Variants in ZDHHC2 observed in about 807,000 individuals in gnomAD.
ZDHHC2 encodes palmitoyltransferase ZDHHC2.
Under a neutral mutation model 55.6 loss-of-function variants are expected in ZDHHC2, and 51 were observed. That is an observed-to-expected ratio of 0.92 (90% confidence interval 0.73 to 1.16). The LOEUF (loss-of-function observed/expected upper bound fraction) is 1.16, where lower values mean the gene tolerates loss of function less well. Among genes scored for constraint, ZDHHC2 ranks in the 50% most tolerant of loss-of-function variants. ZDHHC2 has a pLI of 0.00. For missense variants in ZDHHC2, 491 were observed against 442.4 expected, an observed-to-expected ratio of 1.11 and a Z score of -0.99; for synonymous variants, 199 against 152.9, an observed-to-expected ratio of 1.30 and a Z score of -2.22.
At chr8:17,207,116 A>T (rs548195194) in intron 7 of ZDHHC2, among the ~76,000 whole-genome samples, 50 of 152,338 alleles carry the variant, frequency 3.3e-4, no homozygotes, top group Non-Finnish European at 5.9e-4. Context: ...TGTCAAAAAA[A>T]CCTGCTGCTG....
rs1808061549 is a variant in ZDHHC2 at position 17,224,793 on chromosome 8, A to T, written c.*4572A>T. ...AAAACATCTTAAATGAACTAATCAA[A>T]CACTTATTGTGTGAAAGCTGAATAC... On this transcript the variant is annotated 3_prime_UTR_variant, in exon 13 of 13. Coordinates refer to ENST00000262096, the MANE Select transcript of ZDHHC2 (RefSeq NM_016353.5). 6.6e-6 allele frequency: 1 copy of T among 151,722 alleles called. No homozygotes were observed. The highest frequency in any genetic ancestry group is 2.4e-5 in the African/African-American group (1 of 41,404). The allele number at this position is 151,722 out of a possible 1,614,324, so 9.4% of individuals were successfully genotyped here.
chr8:17,199,572 T>TTATTC (rs1563161450), intron 6 of ZDHHC2, among the ~76,000 whole-genome samples: 4 of 76,358 alleles, frequency 5.2e-5, no homozygotes, highest in Admixed American at 1.4e-4. Context: ...TTCTTCGTCT[T>TTATTC]TGTCTTCTTC....
At chr8:17,165,723 G>C (rs540418403) in intron 1 of ZDHHC2, among the ~76,000 whole-genome samples, 1 of 152,290 alleles carries the variant, frequency 6.6e-6, no homozygotes, top group Non-Finnish European at 1.5e-5. Context: ...ATCATCAGTG[G>C]CATGACACAA....
chr8:17,201,387 C>T (rs972284083), intron 6 of ZDHHC2, among the ~76,000 whole-genome samples: 1 of 149,204 alleles, frequency 6.7e-6, no homozygotes, highest in Non-Finnish European at 1.5e-5. Context: ...TCTTTTTCTA[C>T]AGGCTTTGTG....
chr8:17,182,994 T>G (rs1387526001), intron 1 of ZDHHC2, among the ~76,000 whole-genome samples: 1 of 152,208 alleles, frequency 6.6e-6, no homozygotes, highest in African/African-American at 2.4e-5. Context: ...ACTCTTGACC[T>G]CAGGTGATCC....
At chr8:17,184,718 G>T in intron 1 of ZDHHC2, 71 bp from the exon 2 acceptor site, 1 of 1,270,040 alleles carries the variant, frequency 7.9e-7, no homozygotes, top group South Asian at 1.4e-5. Flanking sequence ...CTACTTAAAT[G>T]CCTTATGTCT....
chr8:17,184,617 C>T (rs1417833678), intron 1 of ZDHHC2, among the ~76,000 whole-genome samples, 172 bp from the exon 2 acceptor site: 2 of 2,878 alleles, frequency 6.9e-4, no homozygotes, highest in Non-Finnish European at 0.013. Flanking sequence ...CCGTTTCCTG[C>T]ACCCTCTCCA....
chr8:17,168,050 T>G lies in ZDHHC2; in HGVS notation c.130+11197T>G, dbSNP rs149435719. Among the ~76,000 whole-genome samples the G allele has an allele frequency of 2.4e-3, 364 of 152,310 alleles. 4 individuals are homozygous for G. The highest frequency in any genetic ancestry group is 8.3e-3 in the African/African-American group (347 of 41,570). ...TTGTCCCAGCCTTCTTAGAGTATAC[T>G]GAATATAATTTAGCTCTGATTTAAG... On this transcript the variant is annotated intron_variant, in intron 1 of 12. Coordinates refer to ENST00000262096, the MANE Select transcript of ZDHHC2 (RefSeq NM_016353.5).
intron 1 of ZDHHC2, among the ~76,000 whole-genome samples, chr8:17,176,248 G>T (rs1039619030): frequency 6.6e-6 from 1 of 152,132 alleles, no homozygotes; most frequent in African/African-American, 2.4e-5. Flanking sequence ...AGACTGTTAG[G>T]AATATCAGGA....
chr8:17,188,321 A>G (rs1056563830), intron 3 of ZDHHC2, among the ~76,000 whole-genome samples: 1 of 151,972 alleles, frequency 6.6e-6, no homozygotes, highest in African/African-American at 2.4e-5. Context: ...GCTTGTATCT[A>G]TTGTGATTCC....
In ZDHHC2 at chr8:17,210,500, C is replaced by A. The variant is rs182490522; in HGVS notation, c.950+20C>A. On this transcript the variant is annotated intron_variant, in intron 10 of 12. Transcript: ENST00000262096. ...TAAAAAGTAATCTCATATTTTTTTT[C>A]ATTTTACTTTCAAATAAGATATTTT... 2.7e-5 allele frequency: 42 copies of A among 1,570,468 alleles called. No individual in the cohort carries two copies. The African/African-American group carries it at 5.4e-4, about 20-fold the overall frequency.
intron 1 of ZDHHC2, 142 bp from the exon 2 acceptor site, chr8:17,184,647 C>A: frequency 1.4e-6 from 1 of 723,648 alleles, no homozygotes; most frequent in Non-Finnish European, 2.2e-6. Flanking sequence ...CACCTCTCCT[C>A]CAAATAAAGT....
intron 1 of ZDHHC2, among the ~76,000 whole-genome samples, chr8:17,157,191 G>A (rs1480674601): frequency 1.3e-5 from 2 of 152,172 alleles, no homozygotes; most frequent in African/African-American, 2.4e-5. Flanking sequence ...GGGAGGCCGA[G>A]GCCGGCGAGG....
At chr8:17,219,016 C>G (rs559157707) in intron 12 of ZDHHC2, among the ~76,000 whole-genome samples, 10 of 151,896 alleles carry the variant, frequency 6.6e-5, no homozygotes, top group Non-Finnish European at 1.5e-4. Flanking sequence ...CTTTGGGAGG[C>G]TGAGATGGGT....
intron 1 of ZDHHC2, among the ~76,000 whole-genome samples, chr8:17,172,807 C>T (rs932030944): frequency 1.3e-5 from 2 of 152,048 alleles, no homozygotes; most frequent in African/African-American, 4.8e-5. Context: ...GGATGGAGGT[C>T]AGGAAGCCTA....
chr8:17,213,815 G>A lies in ZDHHC2; in HGVS notation c.951-1422G>A, dbSNP rs115823730. The stretch of plus-strand genomic sequence containing the variant: ...GTTAGTCTTCTGTACCCGTTATATG[G>A]TCCCTTTCTTGAAGAAGAATAAGAA... On this transcript the variant is annotated intron_variant, in intron 10 of 12. Coordinates refer to ENST00000262096, the MANE Select transcript of ZDHHC2 (RefSeq NM_016353.5). Among the ~76,000 whole-genome samples the A allele has an allele frequency of 4.9e-3, 743 of 152,086 alleles. 9 individuals carry two copies. The highest frequency in any genetic ancestry group is 0.017 in the African/African-American group (702 of 41,484).
At chr8:17,167,568 T>C (rs1804664306) in intron 1 of ZDHHC2, among the ~76,000 whole-genome samples, 1 of 152,110 alleles carries the variant, frequency 6.6e-6, no homozygotes. Flanking sequence ...AGTGCTGGGA[T>C]TATAGGCGTG....
rs999043215 is a variant in ZDHHC2, at chr8:17,222,113, A to C, written c.*1892A>C. ...GGATTTTTATCCTTTACTCTTCTAG[A>C]GTACTGTTAATGCCCCTTTCCCACA... On this transcript the variant is annotated 3_prime_UTR_variant, in exon 13 of 13. Coordinates refer to ENST00000262096, the MANE Select transcript of ZDHHC2 (RefSeq NM_016353.5). The C allele has an allele frequency of 1.3e-5, 2 of 151,048 alleles. No individual in the cohort carries two copies. The highest frequency in any genetic ancestry group is 4.9e-5 in the African/African-American group (2 of 41,172). 9.4% of individuals were successfully genotyped at this position (151,048 alleles called of 1,614,324 possible).
intron 6 of ZDHHC2, among the ~76,000 whole-genome samples, chr8:17,199,634 TC>T (rs1563161796): frequency 7.6e-4 from 75 of 98,696 alleles, no homozygotes; most frequent in Non-Finnish European, 1.8e-3. Context: ...CCTTTCTTCT[TC>T]TTCTCCTCCT....
Sources: allele counts gnomAD v4.1 joint callset (sites outside exome capture counted in the v4.1 genomes callset), GRCh38; gene constraint gnomAD v4.1.1; transcripts MANE v1.5; gene names NCBI Gene and HGNC (gene_info 2026-07-23, HGNC 2026-07-21).